Variants in FAM204A observed in about 807,000 individuals in gnomAD.
FAM204A encodes protein FAM204A.
A neutral mutation model predicts 35.4 loss-of-function variants in FAM204A; 16 were observed. The observed-to-expected ratio is 0.45, with a 90% CI of 0.31 to 0.69. FAM204A has a LOEUF of 0.69. Among genes scored for constraint, FAM204A ranks in the 30% least tolerant of loss-of-function variants. The pLI is 0.07. For missense variants in FAM204A, 240 were observed against 265.7 expected (o/e 0.90, Z 0.67); for synonymous variants, 76 against 86.9 (o/e 0.88, Z 0.70).
chr10:118,335,601 C>G lies in FAM204A; in HGVS notation c.275G>C (p.Ser92Thr). 6.2e-7 allele frequency: 1 copy of G among 1,610,132 alleles called. No individual in the cohort carries two copies. Among genetic ancestry groups the G allele is most frequent in the South Asian group, 1.1e-5 (1 of 89,544 alleles). ...ELHKKHSEQKSTTSRFRGKRR... is the reference protein window; with the variant it reads ...ELHKKHSEQKTTTSRFRGKRR... ...TTTCCCTCTGAATCTTGAGGTTGTGCTTTTCTGTTCAGAATGTTTTTTATG... is the reference window on the plus strand; with the variant it reads ...TTTCCCTCTGAATCTTGAGGTTGTGGTTTTCTGTTCAGAATGTTTTTTATG... Residue 92 changes from serine (S) to threonine (T), a missense_variant, in exon 4 of 9, where the codon AGC becomes ACC. Physicochemically the swap from Ser to Thr is moderately conservative, Grantham distance 58 (BLOSUM62 1). Around this residue, in one of 2 missense-constraint regions of FAM204A, gnomAD observed 232 missense variants for 242.8 expected, o/e 0.96. Coordinates refer to ENST00000369183, the MANE Select transcript of FAM204A (RefSeq NM_022063.3).
intron 6 of FAM204A, among the ~76,000 whole-genome samples, chr10:118,329,666 G>A (rs1467875606): frequency 6.6e-6 from 1 of 152,116 alleles, no homozygotes; most frequent in African/African-American, 2.4e-5. Flanking sequence ...ACTACAGTGA[G>A]TTGTGTATTC....
chr10:118,299,391 G>GTGTTTTTTTTTTTTTTTTT lies in FAM204A; in HGVS notation c.*11465_*11466insAAAAAAAAAAAAAAAAACA. The GTGTTTTTTTTTTTTTTTTT allele has an allele frequency of 1.1e-5, 1 of 90,276 alleles. No individual in the cohort carries two copies. Among genetic ancestry groups the GTGTTTTTTTTTTTTTTTTT allele is most frequent in the East Asian group, 3.3e-4 (1 of 3,028 alleles). The allele number at this position is 90,276 out of a possible 1,614,324, so 5.6% of individuals were successfully genotyped here. On this transcript the variant is annotated 3_prime_UTR_variant, in exon 9 of 9. Transcript: ENST00000369183. ...ACCTCCTCCTTTCTGCTTCCAGAAG[G>GTGTTTTTTTTTTTTTTTTT]TTTTTTTTTTTTTTTTTTTTTTGAG...
intron 6 of FAM204A, among the ~76,000 whole-genome samples, chr10:118,330,707 A>G (rs1408146125): frequency 6.6e-6 from 1 of 152,196 alleles, no homozygotes; most frequent in Non-Finnish European, 1.5e-5. Context: ...CTTTGTTTCC[A>G]TAAGAACTTA....
At chr10:118,336,819 T>C (rs902069711) in intron 2 of FAM204A, among the ~76,000 whole-genome samples, 12 of 152,200 alleles carry the variant, frequency 7.9e-5, no homozygotes, top group Admixed American at 5.2e-4. Context: ...AATACCATAT[T>C]TGAAGCTATA....
rs76145857 is a variant in FAM204A, at chr10:118,327,357, C to T, written c.454-1114G>A. Among the ~76,000 whole-genome samples, 1,448 of 152,292 alleles carry T rather than the reference C, an allele frequency of 9.5e-3. 25 individuals are homozygous for T. The highest frequency in any genetic ancestry group is 0.033 in the African/African-American group (1,376 of 41,552). ...AGGTTACAGAAATAAAGACCAGTGACGCTGTCACTGATGTCTGTTGCTAAG... is the reference window on the plus strand; with the variant it reads ...AGGTTACAGAAATAAAGACCAGTGATGCTGTCACTGATGTCTGTTGCTAAG... On this transcript the variant is annotated intron_variant, in intron 6 of 8. Transcript: ENST00000369183.
Position 118,310,834 on chromosome 10 carries a change from A to G in FAM204A, c.*23T>C, listed in dbSNP as rs1278020500. On this transcript the variant is annotated 3_prime_UTR_variant, in exon 9 of 9. Transcript: ENST00000369183. ...GTAAATTGAGCATTTGAGTCTACAA[A>G]TGTCTTGAAGCACTCTGGCAAGTTA... The G allele has an allele frequency of 6.3e-7, 1 of 1,585,322 alleles. No individual in the cohort carries two copies. The highest frequency in any genetic ancestry group is 1.9e-5 in the Admixed American group (1 of 53,496).
At chr10:118,322,305 C>A (rs1301562632) in intron 7 of FAM204A, 2 of 455,394 alleles carry the variant, frequency 4.4e-6, no homozygotes, top group Admixed American at 4.7e-5. Context: ...GAGACACTAC[C>A]TGAAGTAGTT....
chr10:118,335,785 C>A, intron 3 of FAM204A, 144 bp from the exon 4 acceptor site: 1 of 662,604 alleles, frequency 1.5e-6, no homozygotes, highest in Non-Finnish European at 2.5e-6. Context: ...TTGAGATGCT[C>A]TATTCTCTGA....
Position 118,305,091 on chromosome 10 carries a change from T to C in FAM204A, c.*5766A>G, listed in dbSNP as rs1220567075. The C allele has an allele frequency of 6.6e-6, 1 of 152,242 alleles. No individual in the cohort carries two copies. Among genetic ancestry groups the C allele is most frequent in the Non-Finnish European group, 1.5e-5 (1 of 68,100 alleles). The allele number at this position is 152,242 out of a possible 1,614,324, so 9.4% of individuals were successfully genotyped here. A position where few individuals can be genotyped will look rare whatever the true frequency, so the allele number is the denominator to read the frequency against. ...TCTTTTCCCTTCCAGCTGACTGGCA[T>C]CGAGGGGACATCCAGGATTACTAGG... On this transcript the variant is annotated 3_prime_UTR_variant, in exon 9 of 9. Coordinates refer to ENST00000369183, the MANE Select transcript of FAM204A (RefSeq NM_022063.3).
chr10:118,305,707 A>G lies in FAM204A; in HGVS notation c.*5150T>C, dbSNP rs1845856195. 6.6e-6 allele frequency: 1 copy of G among 152,222 alleles called. No homozygotes were observed. The highest frequency in any genetic ancestry group is 2.4e-5 in the African/African-American group (1 of 41,466). The allele number at this position is 152,222 out of a possible 1,614,324, so 9.4% of individuals were successfully genotyped here. A position where few individuals can be genotyped will look rare whatever the true frequency, so the allele number is the denominator to read the frequency against. ...GAGTTGTTCAAAACATGGTTTACAT[A>G]TATTTCCTATTAGATTTTGCTTATT... is the stretch of plus-strand genomic sequence containing the variant. On this transcript the variant is annotated 3_prime_UTR_variant, in exon 9 of 9. Coordinates refer to ENST00000369183, the MANE Select transcript of FAM204A (RefSeq NM_022063.3).
intron 6 of FAM204A, among the ~76,000 whole-genome samples, chr10:118,326,719 C>T (rs1319185396): frequency 6.6e-6 from 1 of 152,172 alleles, no homozygotes; most frequent in Non-Finnish European, 1.5e-5. Flanking sequence ...GTAAAGCCAT[C>T]ACATGAATTC....
intron 7 of FAM204A, among the ~76,000 whole-genome samples, chr10:118,321,829 T>TA (rs1846123737): frequency 6.6e-6 from 1 of 150,588 alleles, no homozygotes; most frequent in East Asian, 2.0e-4. Flanking sequence ...AGCTTCAAAC[T>TA]GCACATAGAA....
intron 6 of FAM204A, among the ~76,000 whole-genome samples, chr10:118,330,707 A>C (rs1408146125): frequency 6.6e-6 from 1 of 152,196 alleles, no homozygotes; most frequent in African/African-American, 2.4e-5. Context: ...CTTTGTTTCC[A>C]TAAGAACTTA....
At chr10:118,310,980 A>G in intron 8 of FAM204A, 72 bp from the exon 9 acceptor site, 1 of 1,437,642 alleles carries the variant, frequency 7.0e-7, no homozygotes, top group Non-Finnish European at 9.5e-7. Context: ...ATGTTTACTT[A>G]GAGACCAAAG....
In FAM204A at chr10:118,302,447, T is replaced by G. The variant is rs576536233; in HGVS notation, c.*8410A>C. ...GATGGAGCTGCATGAGTTACAAGGT[T>G]TTTAACTGCAAGAATTGTTGGAGCC... On this transcript the variant is annotated 3_prime_UTR_variant, in exon 9 of 9. Transcript: ENST00000369183. The G allele has an allele frequency of 2.6e-5, 4 of 152,226 alleles. No homozygotes were observed. Among genetic ancestry groups the G allele is most frequent in the African/African-American group, 4.8e-5 (2 of 41,456 alleles). The allele number at this position is 152,226 out of a possible 1,614,324, so 9.4% of individuals were successfully genotyped here.
At chr10:118,315,287 C>G (rs969231152) in intron 7 of FAM204A, among the ~76,000 whole-genome samples, 6 of 152,102 alleles carry the variant, frequency 3.9e-5, no homozygotes, top group African/African-American at 1.4e-4. Context: ...GTTTTTCTTG[C>G]AAAATCTTGT....
chr10:118,336,163 C>A lies in FAM204A; in HGVS notation c.234+19G>T. On this transcript the variant is annotated intron_variant, in intron 3 of 8. Transcript: ENST00000369183. ...GCACACACACAGGCTGTAGCAAGAGCATTTCAGAGAAAACCTACATTCCAC... is the reference window on the plus strand; with the variant it reads ...GCACACACACAGGCTGTAGCAAGAGAATTTCAGAGAAAACCTACATTCCAC... The A allele has an allele frequency of 6.2e-7, 1 of 1,607,708 alleles. No homozygotes were observed. The highest frequency in any genetic ancestry group is 8.5e-7 in the Non-Finnish European group (1 of 1,176,840).
intron 7 of FAM204A, among the ~76,000 whole-genome samples, chr10:118,325,519 CAAT>C (rs1218758886): frequency 1.3e-5 from 2 of 151,944 alleles, no homozygotes; most frequent in East Asian, 1.9e-4. Flanking sequence ...AAAGCAACAA[CAAT>C]AATAACAAAA....
chr10:118,312,570 G>C (rs1246746193), intron 7 of FAM204A, among the ~76,000 whole-genome samples: 1 of 152,138 alleles, frequency 6.6e-6, no homozygotes, highest in Non-Finnish European at 1.5e-5. Context: ...GGCAAAAATA[G>C]ATTTGATTTT....
Sources: gnomAD v4.1 joint callset for allele counts (sites outside exome capture counted in the v4.1 genomes callset) on GRCh38, gnomAD v4.1.1 for gene constraint, gnomAD v4.1.1 regional missense constraint, MANE v1.5 for transcripts, NCBI Gene and HGNC (gene_info 2026-07-23, HGNC 2026-07-21) for gene names.